RBFOX1: variants seen among roughly 807,000 people sequenced by gnomAD.
RBFOX1 encodes RNA binding fox-1 homolog 1.
RBFOX1 carries 8 observed loss-of-function variants against 57.7 expected under a neutral mutation model. The observed-to-expected ratio is 0.14, with a 90% CI of 0.08 to 0.25. The LOEUF is 0.25. Ranked by LOEUF, RBFOX1 falls within the 10% of genes least tolerant of loss-of-function variation. RBFOX1 has a pLI of 1.00. For synonymous variants in RBFOX1, 326 were observed against 222.4 expected, an observed-to-expected ratio of 1.47 and a Z score of -4.15; for missense variants, 611 against 548.5, an observed-to-expected ratio of 1.11 and a Z score of -1.14.
chr16:5,241,417 C>T (rs1240861279), intron 1 of RBFOX1, among the ~76,000 whole-genome samples: 1 of 152,198 alleles, frequency 6.6e-6, no homozygotes, highest in East Asian at 1.9e-4. Flanking sequence ...AAGTCCCTCT[C>T]ACTCCCTCTA....
intron 2 of RBFOX1, chr16:6,483,390 G>A (rs2095406520): frequency 6.5e-7 from 1 of 1,531,630 alleles, no homozygotes; most frequent in Admixed American, 2.0e-5. Flanking sequence ...CACGACAGAT[G>A]ACTGGAGTCA....
Position 7,015,332 on chromosome 16 carries a change from T to C in RBFOX1, c.-15-36725T>C, listed in dbSNP as rs184224180. ...GTTCTTCTAGACTATGGAGTAGATCTGGAGCTTGGCTTCTTAGCCTTTTCT... is the reference window on the plus strand; with the variant it reads ...GTTCTTCTAGACTATGGAGTAGATCCGGAGCTTGGCTTCTTAGCCTTTTCT... On this transcript the variant is annotated intron_variant, in intron 3 of 15. Transcript: ENST00000550418. Among the ~76,000 whole-genome samples, 233 of 152,270 alleles carry C rather than the reference T, an allele frequency of 1.5e-3. 1 individual carries two copies. The highest frequency in any genetic ancestry group is 5.4e-3 in the African/African-American group (226 of 41,560).
intron 3 of RBFOX1, among the ~76,000 whole-genome samples, chr16:6,912,402 G>T (rs369330899): frequency 6.6e-6 from 1 of 151,994 alleles, no homozygotes; most frequent in African/African-American, 2.4e-5. Context: ...TGCGAACCAC[G>T]GGGCTACTGA....
chr16:6,598,230 C>G (rs6500804), intron 2 of RBFOX1, among the ~76,000 whole-genome samples: 57,701 of 152,104 alleles, frequency 0.38, 13,074 homozygotes, highest in Middle Eastern at 0.55. Context: ...TATATAGTTT[C>G]TAACTTGCCT....
intron 2 of RBFOX1, among the ~76,000 whole-genome samples, chr16:5,560,781 C>T (rs1000393965): frequency 1.3e-5 from 2 of 152,166 alleles, no homozygotes; most frequent in African/African-American, 4.8e-5. Flanking sequence ...CTCCATGCTG[C>T]CAAATCTAAC....
At chr16:5,524,432 T>A (rs906473762) in intron 2 of RBFOX1, among the ~76,000 whole-genome samples, 1 of 152,206 alleles carries the variant, frequency 6.6e-6, no homozygotes, top group African/African-American at 2.4e-5. Flanking sequence ...TTGTGAGTAG[T>A]GCTGCAGTGA....
intron 4 of RBFOX1, among the ~76,000 whole-genome samples, chr16:5,962,450 T>C (rs1722434100): frequency 1.3e-5 from 2 of 152,192 alleles, no homozygotes; most frequent in South Asian, 2.1e-4. Flanking sequence ...AAAAAATGCC[T>C]GCCTCCTTTC....
At chr16:6,875,359 C>T (rs570843011) in intron 3 of RBFOX1, among the ~76,000 whole-genome samples, 3 of 152,228 alleles carry the variant, frequency 2.0e-5, no homozygotes, top group South Asian at 2.1e-4. Flanking sequence ...ACAGCTTTGA[C>T]CTCTCCTGTC....
At chr16:5,598,897 G>T in intron 2 of RBFOX1, 1 of 1,495,926 alleles carries the variant, frequency 6.7e-7, no homozygotes, top group Non-Finnish European at 8.9e-7. Flanking sequence ...TTTGTTTTTT[G>T]CCAGGACTAC....
intron 4 of RBFOX1, chr16:5,867,426 C>A: frequency 1.1e-6 from 1 of 875,330 alleles, no homozygotes; most frequent in South Asian, 5.9e-5. Flanking sequence ...AGCAATGATT[C>A]TTCCGTGTTT....
chr16:6,837,303 G>T (rs2093170301), intron 3 of RBFOX1, among the ~76,000 whole-genome samples: 1 of 152,172 alleles, frequency 6.6e-6, no homozygotes, highest in African/African-American at 2.4e-5. Flanking sequence ...CAAGACCCAG[G>T]CTGCTTCCAT....
chr16:5,824,909 A>G (rs1264602547), intron 3 of RBFOX1, among the ~76,000 whole-genome samples: 1 of 152,188 alleles, frequency 6.6e-6, no homozygotes, highest in Admixed American at 6.5e-5. Flanking sequence ...TGACATAACT[A>G]GATGTTTCAT....
chr16:7,259,456 A>G (rs1483804419), intron 4 of RBFOX1, among the ~76,000 whole-genome samples: 3 of 152,148 alleles, frequency 2.0e-5, no homozygotes, highest in Admixed American at 1.3e-4. Flanking sequence ...GCCATTGCAT[A>G]AAATATTGCA....
At chr16:7,324,553 C>G (rs2096586631) in intron 4 of RBFOX1, among the ~76,000 whole-genome samples, 1 of 152,200 alleles carries the variant, frequency 6.6e-6, no homozygotes, top group African/African-American at 2.4e-5. Context: ...GTTCCTGAGG[C>G]ATTGTTGATC....
At chr16:6,277,297 C>T (rs929638137) in intron 1 of RBFOX1, among the ~76,000 whole-genome samples, 1 of 150,812 alleles carries the variant, frequency 6.6e-6, no homozygotes, top group Non-Finnish European at 1.5e-5. Context: ...CCCATCTCTA[C>T]CAAAAATACG....
At chr16:6,906,985 A>C (rs1057480355) in intron 3 of RBFOX1, among the ~76,000 whole-genome samples, 1 of 152,084 alleles carries the variant, frequency 6.6e-6, no homozygotes, top group Non-Finnish European at 1.5e-5. Context: ...CAGCTTCCCA[A>C]AGTGCTAGGA....
intron 2 of RBFOX1, among the ~76,000 whole-genome samples, chr16:6,446,036 C>T (rs1422231803): frequency 6.6e-6 from 1 of 152,106 alleles, no homozygotes; most frequent in East Asian, 1.9e-4. Context: ...GTGATTATAG[C>T]TCACTTCAGC....
intron 3 of RBFOX1, among the ~76,000 whole-genome samples, chr16:5,806,126 G>C (rs910955701): frequency 4.6e-5 from 7 of 152,148 alleles, no homozygotes; most frequent in African/African-American, 1.7e-4. Flanking sequence ...TAGCAGACCT[G>C]CCTTCCCTGT....
chr16:6,666,566 T>C (rs919270425), intron 3 of RBFOX1, among the ~76,000 whole-genome samples: 3 of 148,492 alleles, frequency 2.0e-5, no homozygotes, highest in East Asian at 4.0e-4. Flanking sequence ...AAACAAATCA[T>C]GTCACTGAGG....
Sources: gnomAD v4.1 joint callset for allele counts (sites outside exome capture counted in the v4.1 genomes callset) on GRCh38, gnomAD v4.1.1 for gene constraint, MANE v1.5 for transcripts, NCBI Gene and HGNC (gene_info 2026-07-23, HGNC 2026-07-21) for gene names.